The following TSFM variants were observed in gnomAD, a reference collection of about 807,000 sequenced individuals.
TSFM encodes elongation factor Ts, mitochondrial.
In TSFM, 29 loss-of-function variants were observed where a neutral mutation model predicts 33.4. The observed-to-expected ratio is 0.87, with a 90% confidence interval of 0.65 to 1.18. TSFM has a LOEUF of 1.18. TSFM is among the 50% of genes most tolerant of loss of function. The probability of loss-of-function intolerance (pLI) is 0.00; values close to 1 mark genes in which losing one functional copy is unlikely to be tolerated. For missense variants in TSFM, 394 were observed against 395.6 expected, an observed-to-expected ratio of 1.00 and a Z score of 0.04; for synonymous variants, 178 against 163.5, an observed-to-expected ratio of 1.09 and a Z score of -0.68.
intron 4 of TSFM, 101 bp from the exon 5 acceptor site, chr12:57,792,885 C>T (rs1235259804): frequency 8.2e-7 from 1 of 1,212,182 alleles, no homozygotes; most frequent in Non-Finnish European, 1.2e-6. Flanking sequence ...AGCCACCACG[C>T]CTGGCCAATA....
chr12:57,783,369 A>C (rs1206315129), intron 2 of TSFM, 86 bp downstream of exon 2: 1 of 1,506,066 alleles, frequency 6.6e-7, no homozygotes, highest in Non-Finnish European at 9.2e-7. Flanking sequence ...ATAAAGTTAG[A>C]CTGCTCTTCA....
chr12:57,783,325 A>T (rs377577270), intron 2 of TSFM, 42 bp downstream of exon 2: 2 of 1,611,752 alleles, frequency 1.2e-6, no homozygotes, highest in African/African-American at 2.7e-5. Flanking sequence ...CTAGAGCTCG[A>T]CCTCAGACTC....
Position 57,796,982 on chromosome 12 carries a change from A to G in TSFM, c.*399A>G, listed in dbSNP as rs897827918. The G allele has an allele frequency of 2.0e-6, 2 of 986,812 alleles. No homozygotes were observed. Among genetic ancestry groups the G allele is most frequent in the Admixed American group, 6.1e-5 (1 of 16,290 alleles). The allele number at this position is 986,812 out of a possible 1,614,324, so 61.1% of individuals were successfully genotyped here. A position where few individuals can be genotyped will look rare whatever the true frequency, so the allele number is the denominator to read the frequency against. ...TCTGCCTCGGAACCTCCCTAGTTAT[A>G]TTACTTGTGCCACATGGATTTCTTT... On this transcript the variant is annotated 3_prime_UTR_variant, in exon 6 of 6. Transcript: ENST00000652027.
intron 4 of TSFM, among the ~76,000 whole-genome samples, chr12:57,790,869 T>A (rs1955653393): frequency 6.6e-6 from 1 of 152,136 alleles, no homozygotes; most frequent in South Asian, 2.1e-4. Flanking sequence ...GTTTGTTTTT[T>A]AAATCTTTTT....
At chr12:57,785,458 G>A (rs1955578548) in intron 2 of TSFM, among the ~76,000 whole-genome samples, 1 of 152,008 alleles carries the variant, frequency 6.6e-6, no homozygotes, top group African/African-American at 2.4e-5. Context: ...CTGTTTTACT[G>A]TTAAATTTTT....
chr12:57,786,729 G>A (rs113095543), intron 3 of TSFM, among the ~76,000 whole-genome samples: 9 of 152,336 alleles, frequency 5.9e-5, no homozygotes, highest in African/African-American at 1.9e-4. Context: ...TTTGGAGTTG[G>A]GATGGCTGGA....
At chr12:57,802,181 G>A (rs1013967039), downstream of TSFM, 12 of 1,613,852 alleles carry the variant, frequency 7.4e-6, no homozygotes, top group Admixed American at 1.0e-4. Flanking sequence ...TAGGGTCCCA[G>A]GCTAGGAACC....
At chr12:57,787,473 T>C (rs1170003598) in intron 4 of TSFM, among the ~76,000 whole-genome samples, 3 of 152,206 alleles carry the variant, frequency 2.0e-5, no homozygotes, top group Admixed American at 1.3e-4. Context: ...TGAAAGAGAA[T>C]TGGGCCCACT....
intron 4 of TSFM, among the ~76,000 whole-genome samples, chr12:57,789,348 A>G (rs922008031): frequency 6.6e-6 from 1 of 152,132 alleles, no homozygotes. Flanking sequence ...TCTCGTAAAA[A>G]CAAGGACATT....
chr12:57,783,318 G>A, intron 2 of TSFM, 35 bp downstream of exon 2: 1 of 1,613,108 alleles, frequency 6.2e-7, no homozygotes, highest in Non-Finnish European at 8.5e-7. Flanking sequence ...CGGAGTACTA[G>A]AGCTCGACCT....
intron 2 of TSFM, among the ~76,000 whole-genome samples, 168 bp downstream of exon 2, chr12:57,783,451 T>A (rs1955541930): frequency 6.6e-6 from 1 of 152,234 alleles, no homozygotes; most frequent in East Asian, 1.9e-4. Flanking sequence ...TTTGTCTTAT[T>A]TGAAAGCAGT....
At chr12:57,786,910 T>G in intron 3 of TSFM, 130 bp from the exon 4 acceptor site, 1 of 999,966 alleles carries the variant, frequency 1.0e-6, no homozygotes. Context: ...CTTTAAAATT[T>G]TGGAGTCATT....
chr12:57,786,677 T>C (rs1955595468), intron 3 of TSFM, among the ~76,000 whole-genome samples: 1 of 152,196 alleles, frequency 6.6e-6, no homozygotes, highest in Admixed American at 6.5e-5. Context: ...TGGATTAGTT[T>C]AGAGTGAGAG....
chr12:57,788,442 A>G (rs1399032209), intron 4 of TSFM, among the ~76,000 whole-genome samples: 1 of 151,332 alleles, frequency 6.6e-6, no homozygotes, highest in Non-Finnish European at 1.5e-5. Context: ...ACACACGCCT[A>G]GTATTTGTAT....
chr12:57,800,052 T>G, downstream of TSFM: 3 of 1,219,160 alleles, frequency 2.5e-6, no homozygotes, highest in Non-Finnish European at 3.4e-6. Flanking sequence ...TTGATAACAA[T>G]GCTCCCCAAA....
At chr12:57,802,724 A>G (rs191305675), downstream of TSFM, 6 of 604,008 alleles carry the variant, frequency 9.9e-6, no homozygotes, top group Non-Finnish European at 1.8e-5. Flanking sequence ...GGTGGTATCT[A>G]TCTAGTCACC....
At chr12:57,795,812 A>C (rs771804365) in intron 5 of TSFM, among the ~76,000 whole-genome samples, 2 of 151,538 alleles carry the variant, frequency 1.3e-5, no homozygotes, top group African/African-American at 2.4e-5. Flanking sequence ...ACAGGGTTTC[A>C]TCCATGTTGG....
rs746369516 is a variant in TSFM, at chr12:57,783,198, T to C, written c.146T>C (p.Leu49Pro). The C allele has an allele frequency of 6.2e-7, 1 of 1,613,722 alleles. No homozygotes were observed. Among genetic ancestry groups the C allele is most frequent in the Non-Finnish European group, 8.5e-7 (1 of 1,179,898 alleles). Reference protein sequence around the residue: ...RLSASASSKELLMKLRRKTGY... With the variant: ...RLSASASSKEPLMKLRRKTGY... ...TCTGCCTCGGCCTCCAGCAAGGAGCTCCTCATGAAGCTGCGGCGGAAAACA... is the reference window on the plus strand; with the variant it reads ...TCTGCCTCGGCCTCCAGCAAGGAGCCCCTCATGAAGCTGCGGCGGAAAACA... Residue 49 changes from leucine to proline, a missense_variant, in exon 2 of 6, where the codon CTC becomes CCC. By Grantham distance (98) the Leu-to-Pro change is moderately conservative. Transcript: ENST00000652027.
downstream of TSFM, chr12:57,800,228 G>A (rs1345762506): frequency 4.3e-6 from 1 of 235,058 alleles, no homozygotes; most frequent in Non-Finnish European, 8.4e-6. Flanking sequence ...CCTTCTCTTG[G>A]TACTTTTATT....
Sources: gnomAD v4.1 joint callset for allele counts (sites outside exome capture counted in the v4.1 genomes callset) on GRCh38, gnomAD v4.1.1 for gene constraint, MANE v1.5 for transcripts, NCBI Gene and HGNC (gene_info 2026-07-23, HGNC 2026-07-21) for gene names.